ARHGEF4: variants seen among roughly 807,000 people sequenced by gnomAD.
ARHGEF4 encodes APC-stimulated guanine nucleotide exchange factor 1.
In ARHGEF4, 119 loss-of-function variants were observed where a neutral mutation model predicts 162.0. The observed-to-expected ratio is 0.73, with a 90% CI of 0.63 to 0.86. ARHGEF4 has a LOEUF of 0.86. Among genes scored for constraint, ARHGEF4 ranks in the 40% least tolerant of loss-of-function variants. ARHGEF4 has a pLI of 0.00. For synonymous variants in ARHGEF4, 1,014 were observed against 979.9 expected, an observed-to-expected ratio of 1.03 and a Z score of -0.65; for missense variants, 2,488 against 2,456.0, an observed-to-expected ratio of 1.01 and a Z score of -0.28.
intron 4 of ARHGEF4, among the ~76,000 whole-genome samples, chr2:130,995,659 A>G (rs1054948164): frequency 6.6e-6 from 1 of 152,218 alleles, no homozygotes; most frequent in South Asian, 2.1e-4. Context: ...TGCTTCTGCC[A>G]AGGAACTCTG....
intron 4 of ARHGEF4, among the ~76,000 whole-genome samples, chr2:130,992,756 A>G (rs1687121298): frequency 6.6e-6 from 1 of 152,196 alleles, no homozygotes; most frequent in African/African-American, 2.4e-5. Flanking sequence ...AGGATTATTT[A>G]GCTGAATAAA....
Position 131,037,954 on chromosome 2 carries a change from GACTAACTCAAACTTAGGATC to G in ARHGEF4, c.4126-896_4126-877del, listed in dbSNP as rs1573691024. On this transcript the variant is annotated intron_variant, in intron 5 of 13. Transcript: ENST00000409359. ...CTTGGGAAATGAAGAGAAGAGGTTG[GACTAACTCAAACTTAGGATC>G]ACAGGGCTTGGGACCTAGAGCTCTA... 2.0e-5 allele frequency among the ~76,000 whole-genome samples: 3 copies of G among 152,298 alleles called. No individual in the cohort carries two copies. In the South Asian group the frequency reaches 6.2e-4, roughly 32 times the overall value.
intron 1 of ARHGEF4, among the ~76,000 whole-genome samples, chr2:130,902,796 G>A (rs1003056500): frequency 2.0e-5 from 3 of 152,138 alleles, no homozygotes; most frequent in African/African-American, 7.2e-5. Context: ...TCGTTTATTT[G>A]CCCTAAATAC....
chr2:130,910,394 C>G (rs1681101834), intron 1 of ARHGEF4, among the ~76,000 whole-genome samples: 1 of 152,084 alleles, frequency 6.6e-6, no homozygotes, highest in Non-Finnish European at 1.5e-5. Flanking sequence ...AAGGAAAAGT[C>G]TTTCTTAGGG....
intron 1 of ARHGEF4, among the ~76,000 whole-genome samples, chr2:130,904,635 C>T (rs1680701180): frequency 6.6e-6 from 1 of 152,156 alleles, no homozygotes; most frequent in Non-Finnish European, 1.5e-5. Context: ...CCTTCTGGAG[C>T]TGGTGGTTTG....
chr2:130,994,169 TC>T (rs1353965563), intron 4 of ARHGEF4, among the ~76,000 whole-genome samples: 16 of 152,322 alleles, frequency 1.1e-4, no homozygotes, highest in Admixed American at 1.3e-4. Flanking sequence ...ATAACCTTTG[TC>T]TTTTAATTGG....
At chr2:130,884,926 C>T (rs1679420544) in intron 1 of ARHGEF4, among the ~76,000 whole-genome samples, 1 of 152,086 alleles carries the variant, frequency 6.6e-6, no homozygotes, top group African/African-American at 2.4e-5. Flanking sequence ...CCAGCTTCTT[C>T]ATCAATAAAT....
intron 2 of ARHGEF4, among the ~76,000 whole-genome samples, chr2:130,922,923 G>GATATATATATATATAT (rs60528259): frequency 1.4e-5 from 2 of 145,512 alleles, no homozygotes; most frequent in Non-Finnish European, 1.5e-5. Flanking sequence ...CCTCTTTAAT[G>GATATATATATATATAT]ATATATATAT....
rs530954247 is a variant in ARHGEF4 at position 130,998,008 on chromosome 2, C to G, written c.3986-29937C>G. Among the ~76,000 whole-genome samples the G allele has an allele frequency of 2.0e-5, 3 of 152,254 alleles. No homozygotes were observed. The South Asian group carries it at 6.2e-4, about 32-fold the overall frequency. ...GTGTCCAGCTATACATGGATTCACT[C>G]TGTGTGTCATGAGCCACACCACCAC... On this transcript the variant is annotated intron_variant, in intron 4 of 13. Coordinates refer to ENST00000409359, the MANE Select transcript of ARHGEF4 (RefSeq NM_001367493.1).
At chr2:130,908,221 A>G (rs966902060) in intron 1 of ARHGEF4, among the ~76,000 whole-genome samples, 1 of 152,172 alleles carries the variant, frequency 6.6e-6, no homozygotes, top group Admixed American at 6.5e-5. Context: ...GTGTTTTGAA[A>G]GGGATCACAT....
At chr2:131,019,695 G>A (rs902967088) in intron 4 of ARHGEF4, among the ~76,000 whole-genome samples, 3 of 152,002 alleles carry the variant, frequency 2.0e-5, no homozygotes, top group East Asian at 1.9e-4. Context: ...GTGCAGTGGC[G>A]CGATCTCGGC....
intron 1 of ARHGEF4, among the ~76,000 whole-genome samples, chr2:130,901,550 C>T (rs1451280200): frequency 2.7e-5 from 4 of 150,266 alleles, no homozygotes; most frequent in Admixed American, 1.3e-4. Flanking sequence ...GACAGAGTTT[C>T]GCTCTTGTTG....
intron 1 of ARHGEF4, among the ~76,000 whole-genome samples, chr2:130,892,835 G>A (rs1185100174): frequency 4.6e-5 from 7 of 152,132 alleles, no homozygotes; most frequent in Admixed American, 3.9e-4. Context: ...GCCATTCAGG[G>A]TGCAGCTTGG....
At chr2:131,036,222 G>A (rs567805695) in intron 5 of ARHGEF4, among the ~76,000 whole-genome samples, 1 of 152,248 alleles carries the variant, frequency 6.6e-6, no homozygotes, top group Non-Finnish European at 1.5e-5. Flanking sequence ...TGACTCTGAT[G>A]TCCTACGAAA....
At chr2:131,039,231 G>C (rs545604666) in intron 6 of ARHGEF4, 199 bp downstream of exon 6, 18 of 1,264,104 alleles carry the variant, frequency 1.4e-5, no homozygotes, top group Non-Finnish European at 1.9e-5. Context: ...GTGAGCCCTC[G>C]GGGGCCAGAG....
At chr2:130,882,979 G>A (rs1193411505) in intron 1 of ARHGEF4, among the ~76,000 whole-genome samples, 1 of 151,914 alleles carries the variant, frequency 6.6e-6, no homozygotes, top group Non-Finnish European at 1.5e-5. Flanking sequence ...AAGACTTCTG[G>A]CTCCCCTTTC....
chr2:130,991,773 C>A (rs1436390144), intron 4 of ARHGEF4, among the ~76,000 whole-genome samples: 1 of 152,248 alleles, frequency 6.6e-6, no homozygotes, highest in African/African-American at 2.4e-5. Flanking sequence ...AGATGAGCGC[C>A]ACCCCGTGCT....
At chr2:130,900,418 T>A (rs763151300) in intron 1 of ARHGEF4, among the ~76,000 whole-genome samples, 1 of 152,232 alleles carries the variant, frequency 6.6e-6, no homozygotes, top group Non-Finnish European at 1.5e-5. Flanking sequence ...GGTTGTTAGA[T>A]CTTAAATTAT....
intron 4 of ARHGEF4, among the ~76,000 whole-genome samples, chr2:131,007,299 A>T (rs1573594339): frequency 6.6e-6 from 1 of 152,132 alleles, no homozygotes; most frequent in East Asian, 1.9e-4. Flanking sequence ...AAAGTGGCCC[A>T]AATGCTGAAT....
Sources: gnomAD v4.1 joint callset for allele counts (sites outside exome capture counted in the v4.1 genomes callset) on GRCh38, gnomAD v4.1.1 for gene constraint, MANE v1.5 for transcripts, NCBI Gene and HGNC (gene_info 2026-07-23, HGNC 2026-07-21) for gene names.